Variants in GPD1L observed in about 807,000 individuals in gnomAD.
GPD1L encodes the protein glycerol-3-phosphate dehydrogenase 1-like protein.
A neutral mutation model predicts 32.9 loss-of-function variants in GPD1L; 17 were observed. The observed-to-expected ratio is 0.52, with a 90% CI of 0.35 to 0.78. GPD1L has a LOEUF of 0.78. Ranked by LOEUF, GPD1L falls within the 30% of genes least tolerant of loss-of-function variation. The pLI, the probability that GPD1L is intolerant of heterozygous loss-of-function variation, is 0.01. For synonymous variants in GPD1L, 187 were observed against 165.9 expected, an observed-to-expected ratio of 1.13 and a Z score of -0.98; for missense variants, 361 against 447.8, an observed-to-expected ratio of 0.81 and a Z score of 1.75.
intron 5 of GPD1L, among the ~76,000 whole-genome samples, chr3:32,151,635 A>G (rs1391778020): frequency 1.3e-5 from 2 of 152,072 alleles, no homozygotes; most frequent in Non-Finnish European, 1.5e-5. Flanking sequence ...GCTTGCCACC[A>G]TGCCTGCTAA....
Position 32,117,319 on chromosome 3 carries a change from G to A in GPD1L, c.47+10561G>A, listed in dbSNP as rs1469029545. On this transcript the variant is annotated intron_variant, in intron 1 of 7. Transcript: ENST00000282541. ...AGAACAATACATGAGAAATAATTTA[G>A]TCATGATTTCTTATTTCATTTTTCA... 2.0e-5 allele frequency among the ~76,000 whole-genome samples: 3 copies of A among 152,194 alleles called. No individual in the cohort carries two copies. In the East Asian group the frequency reaches 5.8e-4, roughly 29 times the overall value.
intron 4 of GPD1L, among the ~76,000 whole-genome samples, chr3:32,144,324 C>T (rs890473638): frequency 6.6e-6 from 1 of 152,092 alleles, no homozygotes; most frequent in East Asian, 1.9e-4. Context: ...GGTCTCCTTT[C>T]GTTCTTGGGG....
intron 5 of GPD1L, chr3:32,151,506 G>T (rs1363999938): frequency 1.3e-5 from 4 of 312,148 alleles, no homozygotes; most frequent in Admixed American, 9.6e-5. Context: ...TTGAGACAGG[G>T]TCTCACTCTG....
chr3:32,115,758 C>CTGTTTTTTTT (rs1700323700), intron 1 of GPD1L, among the ~76,000 whole-genome samples: 1 of 44,994 alleles, frequency 2.2e-5, no homozygotes, highest in Non-Finnish European at 4.9e-5. Context: ...GTACGTTGAA[C>CTGTTTTTTTT]TTTTTTTTTT....
intron 4 of GPD1L, among the ~76,000 whole-genome samples, chr3:32,145,434 T>C (rs1197638490): frequency 6.6e-6 from 1 of 152,238 alleles, no homozygotes; most frequent in Non-Finnish European, 1.5e-5. Context: ...TGGATGGGCA[T>C]TGCGTTATTT....
chr3:32,115,758 C>CATTTTTTT (rs1700323537), intron 1 of GPD1L, among the ~76,000 whole-genome samples: 3 of 44,994 alleles, frequency 6.7e-5, no homozygotes, highest in Non-Finnish European at 1.5e-4. Context: ...GTACGTTGAA[C>CATTTTTTT]TTTTTTTTTT....
chr3:32,128,321 G>A (rs1700542015), intron 2 of GPD1L, 68 bp downstream of exon 2: 1 of 1,309,936 alleles, frequency 7.6e-7, no homozygotes, highest in Non-Finnish European at 1.1e-6. Flanking sequence ...CAGCACTTGG[G>A]TTTTGGAACT....
In GPD1L at chr3:32,128,012, C is replaced by G. The variant is rs899459322; in HGVS notation, c.48-64C>G. ...AAACACAAGTCTTCTGAATTTTAAT[C>G]AAACGCTTTTTCTCTCCCGCCCAAG... On this transcript the variant is annotated intron_variant, in intron 1 of 7. Coordinates refer to ENST00000282541, the MANE Select transcript of GPD1L (RefSeq NM_015141.4). The G allele has an allele frequency of 1.1e-5, 13 of 1,148,918 alleles. No homozygotes were observed. In the Admixed American group the frequency reaches 2.3e-4, roughly 21 times the overall value. The allele number at this position is 1,148,918 out of a possible 1,614,324, so 71.2% of individuals were successfully genotyped here. A position where few individuals can be genotyped will look rare whatever the true frequency, so the allele number is the denominator to read the frequency against.
chr3:32,121,646 A>ATTTCTATATATATTTCTATATATATT (rs1491307367), intron 1 of GPD1L, among the ~76,000 whole-genome samples: 1 of 93,032 alleles, frequency 1.1e-5, no homozygotes, highest in African/African-American at 5.0e-5. Context: ...CTATATATAT[A>ATTTCTATATATATTTCTATATATATT]ATATATATAT....
chr3:32,145,243 T>C (rs1373973606), intron 4 of GPD1L, among the ~76,000 whole-genome samples: 1 of 152,024 alleles, frequency 6.6e-6, no homozygotes, highest in Non-Finnish European at 1.5e-5. Flanking sequence ...CGCTTGAGCT[T>C]GGGAGGTGGA....
intron 1 of GPD1L, among the ~76,000 whole-genome samples, chr3:32,124,140 A>G (rs1559571760): frequency 6.6e-6 from 1 of 151,960 alleles, no homozygotes; most frequent in Non-Finnish European, 1.5e-5. Flanking sequence ...ATCTCGGCTC[A>G]CTGCAACCTC....
At chr3:32,131,291 T>C (rs1183764596) in intron 2 of GPD1L, among the ~76,000 whole-genome samples, 5 of 152,110 alleles carry the variant, frequency 3.3e-5, no homozygotes, top group Non-Finnish European at 7.4e-5. Context: ...GACCATACAA[T>C]TCAGTGGCTT....
intron 1 of GPD1L, among the ~76,000 whole-genome samples, chr3:32,108,798 T>C (rs1700202724): frequency 6.6e-6 from 1 of 152,232 alleles, no homozygotes; most frequent in African/African-American, 2.4e-5. Context: ...GTTGGTAGCT[T>C]GCTGCTGCAA....
chr3:32,157,821 G>T lies in GPD1L; in HGVS notation c.619-1055G>T, dbSNP rs113378975. 1.0e-3 allele frequency among the ~76,000 whole-genome samples: 157 copies of T among 152,256 alleles called. No homozygotes were observed. The Middle Eastern group carries it at 0.027, about 26-fold the overall frequency. ...CCGTAAAACATTATTTACAAAACAGGCAGTTGGCCTAGATTGCCAGCCCCC... is the reference window on the plus strand; with the variant it reads ...CCGTAAAACATTATTTACAAAACAGTCAGTTGGCCTAGATTGCCAGCCCCC... On this transcript the variant is annotated intron_variant, in intron 5 of 7. Transcript: ENST00000282541.
chr3:32,112,645 T>A (rs35592924), intron 1 of GPD1L, among the ~76,000 whole-genome samples: 62,557 of 151,810 alleles, frequency 0.41, 14,630 homozygotes, highest in East Asian at 0.64. Context: ...CTCAAAAAAA[T>A]ATATATAATA....
intron 7 of GPD1L, 126 bp downstream of exon 7, chr3:32,159,800 A>C: frequency 1.4e-6 from 1 of 718,690 alleles, no homozygotes. Flanking sequence ...GGATTAGTTC[A>C]GTCCTTTGTG....
chr3:32,135,839 A>C (rs553683309), intron 2 of GPD1L, among the ~76,000 whole-genome samples: 1 of 152,168 alleles, frequency 6.6e-6, no homozygotes, highest in South Asian at 2.1e-4. Context: ...ATAATGTAGC[A>C]GGTGGATTTT....
chr3:32,157,050 C>T (rs1458699308), intron 5 of GPD1L, among the ~76,000 whole-genome samples: 2 of 152,070 alleles, frequency 1.3e-5, no homozygotes, highest in African/African-American at 4.8e-5. Flanking sequence ...TGGAAGGGGC[C>T]AGGAACCTAG....
chr3:32,121,646 A>T lies in GPD1L; in HGVS notation c.48-6430A>T, dbSNP rs190581904. On this transcript the variant is annotated intron_variant, in intron 1 of 7. Transcript: ENST00000282541. ...ATATTATATATATTTCTATATATAT[A>T]ATATATATATTTCTATATATATTTC... is the stretch of plus-strand genomic sequence containing the variant. Among the ~76,000 whole-genome samples, 1,544 of 92,790 alleles carry T rather than the reference A, an allele frequency of 0.017. 199 individuals carry two copies. In the East Asian group the frequency reaches 0.23, roughly 14 times the overall value. 60.9% of individuals were successfully genotyped at this position (92,790 alleles called of 152,430 possible).
Sources: allele counts gnomAD v4.1 joint callset (sites outside exome capture counted in the v4.1 genomes callset), GRCh38; gene constraint gnomAD v4.1.1; transcripts MANE v1.5; gene names NCBI Gene and HGNC (gene_info 2026-07-23, HGNC 2026-07-21).